VEPH1: variants seen among roughly 807,000 people sequenced by gnomAD.
VEPH1 encodes ventricular zone-expressed PH domain-containing protein homolog 1.
VEPH1 carries 80 observed loss-of-function variants against 85.2 expected under a neutral mutation model. The observed-to-expected ratio is 0.94, with a 90% CI of 0.78 to 1.13. VEPH1 has a LOEUF of 1.13. Ranked by LOEUF, VEPH1 falls within the 50% of genes most tolerant of loss-of-function variation. The probability of loss-of-function intolerance (pLI) is 0.00; values close to 1 mark genes in which losing one functional copy is unlikely to be tolerated. For synonymous variants in VEPH1, 297 were observed against 348.0 expected (o/e 0.85, Z 1.63); for missense variants, 955 against 980.5 (o/e 0.97, Z 0.35).
At chr3:157,264,447 A>G (rs961988376) in intron 13 of VEPH1, among the ~76,000 whole-genome samples, 2 of 152,118 alleles carry the variant, frequency 1.3e-5, no homozygotes, top group African/African-American at 4.8e-5. Context: ...TAAATCTCGT[A>G]TATGTCTTTA....
intron 12 of VEPH1, among the ~76,000 whole-genome samples, chr3:157,266,371 T>C (rs888577271): frequency 6.6e-6 from 1 of 152,120 alleles, no homozygotes; most frequent in Non-Finnish European, 1.5e-5. Context: ...TCAACTTAAA[T>C]GTTGCTTCCT....
intron 9 of VEPH1, among the ~76,000 whole-genome samples, chr3:157,317,992 C>T (rs1214304249): frequency 6.6e-6 from 1 of 152,104 alleles, no homozygotes; most frequent in African/African-American, 2.4e-5. Context: ...GATGAGGTAA[C>T]AGCACATTAG....
intron 2 of VEPH1, among the ~76,000 whole-genome samples, chr3:157,483,478 C>A (rs1273377269): frequency 6.6e-6 from 1 of 151,992 alleles, no homozygotes; most frequent in Non-Finnish European, 1.5e-5. Context: ...AAATTATTGA[C>A]CTCAAATTAC....
At chr3:157,480,558 T>C (rs1378561215) in intron 2 of VEPH1, among the ~76,000 whole-genome samples, 1 of 152,150 alleles carries the variant, frequency 6.6e-6, no homozygotes, top group Admixed American at 6.6e-5. Flanking sequence ...TCATATTTAG[T>C]TTCTGTTTCT....
At chr3:157,378,100 A>G (rs988440159) in intron 7 of VEPH1, among the ~76,000 whole-genome samples, 1 of 152,030 alleles carries the variant, frequency 6.6e-6, no homozygotes, top group Non-Finnish European at 1.5e-5. Flanking sequence ...CATACAGCAC[A>G]GAATGGCTCC....
chr3:157,266,657 G>A (rs1255639117), intron 12 of VEPH1, among the ~76,000 whole-genome samples: 1 of 152,154 alleles, frequency 6.6e-6, no homozygotes, highest in Non-Finnish European at 1.5e-5. Context: ...TTACATTGAA[G>A]CAGAGTGTGC....
chr3:157,308,192 C>A (rs1328248519), intron 11 of VEPH1, among the ~76,000 whole-genome samples: 1 of 151,622 alleles, frequency 6.6e-6, no homozygotes, highest in Non-Finnish European at 1.5e-5. Context: ...CTGGTTTATT[C>A]TTTTAATCCT....
chr3:157,421,077 T>C (rs1354181280), intron 5 of VEPH1, among the ~76,000 whole-genome samples: 1 of 152,136 alleles, frequency 6.6e-6, no homozygotes, highest in Non-Finnish European at 1.5e-5. Flanking sequence ...CCTCCTTCCA[T>C]CTGGCAAGGA....
chr3:157,263,310 A>G (rs536200225), intron 13 of VEPH1, among the ~76,000 whole-genome samples: 3 of 152,278 alleles, frequency 2.0e-5, no homozygotes, highest in Non-Finnish European at 2.9e-5. Context: ...TCAGACCATT[A>G]TTTCCTGATA....
intron 13 of VEPH1, among the ~76,000 whole-genome samples, chr3:157,262,105 C>T (rs1712988531): frequency 6.6e-6 from 1 of 152,108 alleles, no homozygotes; most frequent in Admixed American, 6.6e-5. Flanking sequence ...CTGTTGCAAT[C>T]ACCCTCCTTT....
At position 157,481,433 on chromosome 3, in the gene VEPH1, A is replaced by AACACACACACAC. The variant is rs1177654727; in HGVS notation, c.139-10916_139-10905dup. 5.5e-3 allele frequency among the ~76,000 whole-genome samples: 214 copies of AACACACACACAC among 38,652 alleles called. 9 individuals carry two copies. Among genetic ancestry groups the AACACACACACAC allele is most frequent in the East Asian group, 9.8e-3 (9 of 918 alleles). 25.4% of individuals were successfully genotyped at this position (38,652 alleles called of 152,430 possible). A position where few individuals can be genotyped will look rare whatever the true frequency, so the allele number is the denominator to read the frequency against. On this transcript the variant is annotated intron_variant, in intron 2 of 13. Transcript: ENST00000362010. ...CTATTCTAAAATTCATATGGAACCA[A>AACACACACACAC]ACACACACACACACACACACACACA...
At position 157,364,520 on chromosome 3, in the gene VEPH1, A is replaced by T. The variant is rs147574752; in HGVS notation, c.1128-8T>A. On this transcript the variant is annotated splice_polypyrimidine_tract_variant and splice_region_variant and intron_variant, in intron 7 of 13. Coordinates refer to ENST00000362010, the MANE Select transcript of VEPH1 (RefSeq NM_001167912.2). ...TCAGTGCTGATTTTTCTCCTAAAGG[A>T]ATATAAATCATTGCATTAGATGCAG... The T allele has an allele frequency of 6.2e-7, 1 of 1,611,212 alleles. No homozygotes were observed. Among genetic ancestry groups the T allele is most frequent in the Non-Finnish European group, 8.5e-7 (1 of 1,178,092 alleles).
At chr3:157,402,209 C>T (rs544647743) in intron 6 of VEPH1, among the ~76,000 whole-genome samples, 1 of 152,282 alleles carries the variant, frequency 6.6e-6, no homozygotes, top group East Asian at 1.9e-4. Flanking sequence ...CTTCAGGGAA[C>T]ATTTGTAACT....
chr3:157,380,974 A>G (rs1255757730), intron 7 of VEPH1, 182 bp downstream of exon 7: 3 of 622,398 alleles, frequency 4.8e-6, no homozygotes, highest in Admixed American at 6.0e-5. Flanking sequence ...TTGTTTTGTT[A>G]CATTCTGGTT....
intron 7 of VEPH1, among the ~76,000 whole-genome samples, chr3:157,369,191 A>ACAAAC (rs1553773102): frequency 5.5e-5 from 8 of 145,154 alleles, no homozygotes; most frequent in African/African-American, 2.0e-4. Context: ...AAAAAAAAAA[A>ACAAAC]AAAAAAAAAA....
intron 7 of VEPH1, among the ~76,000 whole-genome samples, chr3:157,378,306 GTATATATATA>G (rs56800722): frequency 0.024 from 2,292 of 93,632 alleles, 36 homozygotes; most frequent in African/African-American, 0.032. Flanking sequence ...TTTTTGAATG[GTATATATATA>G]TATATATATA....
intron 13 of VEPH1, 87 bp from the exon 14 acceptor site, chr3:157,261,457 A>G (rs1298549113): frequency 1.9e-6 from 3 of 1,541,556 alleles, no homozygotes; most frequent in Admixed American, 4.2e-5. Flanking sequence ...TAAGAGGGCC[A>G]GAATCCTTTC....
At chr3:157,269,085 G>T (rs1177799944) in intron 12 of VEPH1, among the ~76,000 whole-genome samples, 1 of 152,216 alleles carries the variant, frequency 6.6e-6, no homozygotes, top group Non-Finnish European at 1.5e-5. Context: ...TGATATCTGA[G>T]ATGATTTGAA....
At chr3:157,262,751 G>A (rs1713081189) in intron 13 of VEPH1, among the ~76,000 whole-genome samples, 1 of 152,136 alleles carries the variant, frequency 6.6e-6, no homozygotes, top group South Asian at 2.1e-4. Flanking sequence ...TGATAAAAGT[G>A]TTGCTGCAAC....
Sources: gnomAD v4.1 joint callset for allele counts (sites outside exome capture counted in the v4.1 genomes callset) on GRCh38, gnomAD v4.1.1 for gene constraint, MANE v1.5 for transcripts, NCBI Gene and HGNC (gene_info 2026-07-23, HGNC 2026-07-21) for gene names.